LANCL3: variants seen among roughly 807,000 people sequenced by gnomAD.
LANCL3 encodes lanC-like protein 3.
In LANCL3, 19 loss-of-function variants were observed where a neutral mutation model predicts 26.5. That is an observed-to-expected ratio of 0.72 (90% confidence interval 0.50 to 1.05). The LOEUF is 1.05. LANCL3 is among the 50% of genes least tolerant of loss of function. The pLI is 0.00. For synonymous variants in LANCL3, 160 were observed against 166.6 expected (o/e 0.96, Z 0.30); for missense variants, 318 against 362.7 (o/e 0.88, Z 1.00).
At chrX:37,624,675 A>G (rs1285099332) in intron 1 of LANCL3, among the ~76,000 whole-genome samples, 1 of 111,976 alleles carries the variant, frequency 8.9e-6, no homozygotes, top group Non-Finnish European at 1.9e-5. Context: ...ACATTTATTT[A>G]GTACTAATTG....
At chrX:37,627,200 C>G (rs936675407) in intron 1 of LANCL3, among the ~76,000 whole-genome samples, 2 of 112,361 alleles carry the variant, frequency 1.8e-5, no homozygotes, top group African/African-American at 3.2e-5. Context: ...TTGTTTAATG[C>G]TTATGGAGTT....
chrX:37,648,156 T>C (rs1556427662), intron 1 of LANCL3, among the ~76,000 whole-genome samples: 1 of 112,407 alleles, frequency 8.9e-6, no homozygotes, highest in Non-Finnish European at 1.9e-5. Flanking sequence ...TTTACAAAAC[T>C]TGTCTTTTTT....
intron 1 of LANCL3, among the ~76,000 whole-genome samples, chrX:37,645,415 T>A (rs1381355529): frequency 8.9e-6 from 1 of 112,036 alleles, no homozygotes; most frequent in East Asian, 2.8e-4. Flanking sequence ...ACTTGCTCAT[T>A]CTGCACCAGC....
At chrX:37,577,892 A>G (rs782245777) in intron 1 of LANCL3, among the ~76,000 whole-genome samples, 2 of 112,000 alleles carry the variant, frequency 1.8e-5, no homozygotes, top group South Asian at 3.8e-4. Context: ...ATAAGGGGCA[A>G]TGCTTTTAGC....
At chrX:37,663,539 G>T (rs990750509) in intron 3 of LANCL3, among the ~76,000 whole-genome samples, 2 of 111,869 alleles carry the variant, frequency 1.8e-5, no homozygotes, top group Non-Finnish European at 3.8e-5. Flanking sequence ...AAGGAGCTCA[G>T]TCACAAGGGG....
intron 1 of LANCL3, among the ~76,000 whole-genome samples, chrX:37,643,278 C>T (rs1271341762): frequency 8.0e-5 from 9 of 112,132 alleles, no homozygotes; most frequent in Non-Finnish European, 1.7e-4. Context: ...GTTCTAGTTT[C>T]ACCACAAAAG....
chrX:37,649,847 T>G (rs1422710641), intron 1 of LANCL3, among the ~76,000 whole-genome samples: 1 of 111,116 alleles, frequency 9.0e-6, no homozygotes, highest in Non-Finnish European at 1.9e-5. Flanking sequence ...TACCTGGGAG[T>G]TCTTTTGCTA....
rs782382090 is a variant in LANCL3 at position 37,586,075 on chromosome X, G to T, written c.573+13632G>T. On this transcript the variant is annotated intron_variant, in intron 1 of 4. Transcript: ENST00000378619. ...TTATGAAGCTTAGTTTGGCTGGATA[G>T]GAAATTCTCGGTTGAAAATTCTTTT... Among the ~76,000 whole-genome samples, 25 of 111,291 alleles carry T rather than the reference G, an allele frequency of 2.2e-4. No homozygotes were observed. In the South Asian group the frequency reaches 4.6e-3, roughly 21 times the overall value.
chrX:37,639,200 C>CAT (rs1306620031), intron 1 of LANCL3, among the ~76,000 whole-genome samples: 11 of 100,479 alleles, frequency 1.1e-4, no homozygotes, highest in African/African-American at 4.0e-4. Context: ...TATACACACA[C>CAT]ATATATACAT....
At chrX:37,584,388 G>C (rs1405212764) in intron 1 of LANCL3, among the ~76,000 whole-genome samples, 1 of 109,274 alleles carries the variant, frequency 9.2e-6, no homozygotes, top group Non-Finnish European at 1.9e-5. Context: ...GTTTCAGAAG[G>C]AATGGTACCA....
At chrX:37,587,233 C>T (rs1196374843) in intron 1 of LANCL3, among the ~76,000 whole-genome samples, 1 of 112,879 alleles carries the variant, frequency 8.9e-6, no homozygotes, top group African/African-American at 3.2e-5. Flanking sequence ...AGTTAGCCTA[C>T]TCAGGGGTCA....
chrX:37,612,855 T>C (rs1218477559), intron 1 of LANCL3, among the ~76,000 whole-genome samples: 2 of 111,800 alleles, frequency 1.8e-5, no homozygotes, highest in African/African-American at 6.5e-5. Flanking sequence ...TTACAGGGAA[T>C]TCCTAACAGC....
In LANCL3 at chrX:37,680,570, A is replaced by G. The variant is rs1214121819; in HGVS notation, c.*4757A>G. The G allele has an allele frequency of 8.9e-6, 1 of 111,858 alleles. No individual in the cohort carries two copies. The highest frequency in any genetic ancestry group is 9.5e-5 in the Admixed American group (1 of 10,545). The allele number at this position is 111,858 out of a possible 1,213,427, so 9.2% of individuals were successfully genotyped here. A position where few individuals can be genotyped will look rare whatever the true frequency, so the allele number is the denominator to read the frequency against. ...ATTACCCCCTCTGAACTGAATTTGA[A>G]AAAATTAATTAAAATAACCGAATCA... On this transcript the variant is annotated 3_prime_UTR_variant, in exon 5 of 5. Transcript: ENST00000378619.
intron 4 of LANCL3, among the ~76,000 whole-genome samples, chrX:37,670,306 G>A: frequency 9.0e-6 from 1 of 110,823 alleles, no homozygotes; most frequent in East Asian, 2.8e-4. Context: ...TTTTAATTTT[G>A]TTTGTAGCCT....
At chrX:37,631,179 G>A (rs1556424211) in intron 1 of LANCL3, among the ~76,000 whole-genome samples, 1 of 111,691 alleles carries the variant, frequency 9.0e-6, no homozygotes, top group African/African-American at 3.3e-5. Flanking sequence ...TTTATTGTTG[G>A]GAGGGTGTAT....
intron 4 of LANCL3, among the ~76,000 whole-genome samples, chrX:37,672,815 C>G (rs1451481237): frequency 1.8e-5 from 2 of 111,953 alleles, no homozygotes; most frequent in African/African-American, 6.5e-5. Flanking sequence ...CTCACCCAGC[C>G]ATAGCTGCCT....
chrX:37,618,142 G>A (rs1556421885), intron 1 of LANCL3, among the ~76,000 whole-genome samples: 1 of 112,072 alleles, frequency 8.9e-6, no homozygotes, highest in East Asian at 2.8e-4. Flanking sequence ...GAGGCCACAA[G>A]GCATTCATCA....
intron 1 of LANCL3, among the ~76,000 whole-genome samples, chrX:37,622,514 C>T (rs1052997468): frequency 1.7e-4 from 19 of 111,226 alleles, no homozygotes; most frequent in Non-Finnish European, 3.6e-4. Context: ...GCCTCCCCAC[C>T]GTTTCCCTTA....
chrX:37,605,359 A>G (rs534202943), intron 1 of LANCL3, among the ~76,000 whole-genome samples: 4 of 112,360 alleles, frequency 3.6e-5, no homozygotes, highest in Non-Finnish European at 5.6e-5. Context: ...AGACTGAAAT[A>G]CAATGACTCA....
Sources: gnomAD v4.1 joint callset for allele counts (sites outside exome capture counted in the v4.1 genomes callset) on GRCh38, gnomAD v4.1.1 for gene constraint, MANE v1.5 for transcripts, NCBI Gene and HGNC (gene_info 2026-07-23, HGNC 2026-07-21) for gene names.